The following MSL2 variants were observed in gnomAD, a reference collection of about 807,000 sequenced individuals.
MSL2 encodes E3 ubiquitin-protein ligase MSL2.
MSL2 carries 2 observed loss-of-function variants against 35.8 expected under a neutral mutation model. The observed-to-expected ratio is 0.06, with a 90% CI of 0.02 to 0.18. MSL2 has a LOEUF of 0.18. Ranked by LOEUF, MSL2 falls within the 10% of genes least tolerant of loss-of-function variation. The pLI is 1.00. For missense variants in MSL2, 523 were observed against 706.7 expected, an observed-to-expected ratio of 0.74 and a Z score of 2.95; for synonymous variants, 296 against 255.7, an observed-to-expected ratio of 1.16 and a Z score of -1.50.
intron 1 of MSL2, chr3:136,153,098 GGT>G: frequency 1.0e-6 from 1 of 968,038 alleles, no homozygotes; most frequent in African/African-American, 1.8e-5. Flanking sequence ...TGGATAGCCA[GGT>G]GTGGTGGTGT....
chr3:136,152,551 T>C lies in MSL2; in HGVS notation c.330A>G (p.Ile110Met). The change falls in exon 2 of 2, where the codon ATA (isoleucine) becomes ATG (methionine). Residue 110 changes from isoleucine to methionine, a missense_variant. By Grantham distance (10) the Ile-to-Met change is conservative. Coordinates refer to ENST00000309993, the MANE Select transcript of MSL2 (RefSeq NM_018133.4). ...TATCCCGTGCCAGTGTAGTCTGTGTTATATACTCGCATAGTTTTTTGTAGC... is the reference window on the plus strand; with the variant it reads ...TATCCCGTGCCAGTGTAGTCTGTGTCATATACTCGCATAGTTTTTTGTAGC... ...VNCYKKLCEY[I>M]TQTTLARDII... The C allele has an allele frequency of 6.2e-7, 1 of 1,614,196 alleles. No homozygotes were observed. Among genetic ancestry groups the C allele is most frequent in the Non-Finnish European group, 8.5e-7 (1 of 1,180,036 alleles).
intron 1 of MSL2, among the ~76,000 whole-genome samples, chr3:136,188,845 T>C (rs1347370678): frequency 6.6e-6 from 1 of 151,526 alleles, no homozygotes; most frequent in African/African-American, 2.4e-5. Flanking sequence ...TACAGTACCA[T>C]ACTGCCTGCC....
rs879632465 is a variant in MSL2, at chr3:136,160,712, T to TA, written c.143-7975dup. Among the ~76,000 whole-genome samples the TA allele has an allele frequency of 3.5e-3, 460 of 131,570 alleles. 3 individuals are homozygous for TA. The highest frequency in any genetic ancestry group is 9.5e-3 in the East Asian group (42 of 4,416). 86.3% of individuals were successfully genotyped at this position (131,570 alleles called of 152,430 possible). A position where few individuals can be genotyped will look rare whatever the true frequency, so the allele number is the denominator to read the frequency against. On this transcript the variant is annotated intron_variant, in intron 1 of 1. Transcript: ENST00000309993. ...AGACACAGCAAGCCTCCATCTCAAT[T>TA]AAAAAAAAAAAAATTCAAATCGGTA... is the stretch of plus-strand genomic sequence containing the variant.
rs966344748 is a variant in MSL2 at position 136,195,470 on chromosome 3, C to T, written c.-357G>A. The T allele has an allele frequency of 2.9e-6, 3 of 1,026,974 alleles. No individual in the cohort carries two copies. Among genetic ancestry groups the T allele is most frequent in the Admixed American group, 5.8e-5 (1 of 17,226 alleles). 63.6% of individuals were successfully genotyped at this position (1,026,974 alleles called of 1,614,324 possible). A position where few individuals can be genotyped will look rare whatever the true frequency, so the allele number is the denominator to read the frequency against. On this transcript the variant is annotated 5_prime_UTR_variant, in exon 1 of 2. Coordinates refer to ENST00000309993, the MANE Select transcript of MSL2 (RefSeq NM_018133.4). ...GCTCGGCAGGCGGCCTGCACTCGAG[C>T]TCCATCTCCGGACACGGAGGCGCCT...
intron 1 of MSL2, among the ~76,000 whole-genome samples, chr3:136,168,111 G>A (rs2108073511): frequency 6.6e-6 from 1 of 152,088 alleles, no homozygotes; most frequent in East Asian, 1.9e-4. Flanking sequence ...GGGAGTGGTG[G>A]CTCACACCTG....
chr3:136,188,552 C>T (rs1375293068), intron 1 of MSL2, among the ~76,000 whole-genome samples: 2 of 151,930 alleles, frequency 1.3e-5, no homozygotes, highest in African/African-American at 4.8e-5. Flanking sequence ...GAATTCAAGA[C>T]CAGCCTGGAC....
chr3:136,160,349 GGGAGGGA>G, intron 1 of MSL2, among the ~76,000 whole-genome samples: 1 of 85,584 alleles, frequency 1.2e-5, no homozygotes, highest in Non-Finnish European at 2.5e-5. Context: ...GAGGGAGGGA[GGGAGGGA>G]GGGAGGGAGG....
intron 1 of MSL2, among the ~76,000 whole-genome samples, chr3:136,160,258 A>G (rs1333612428): frequency 7.2e-6 from 1 of 138,266 alleles, no homozygotes; most frequent in Non-Finnish European, 1.6e-5. Flanking sequence ...CTTGGGCGAC[A>G]GAGAAAGACT....
At chr3:136,194,343 A>C in intron 1 of MSL2, 1 of 915,326 alleles carries the variant, frequency 1.1e-6, no homozygotes, top group South Asian at 5.0e-5. Context: ...CCCTCGACAA[A>C]GCCAAAGTAT....
rs1326353859 is a variant in MSL2, at chr3:136,152,362, A to G, written c.519T>C (p.Ser173=). 6.2e-7 allele frequency: 1 copy of G among 1,614,130 alleles called. No individual in the cohort carries two copies. Among genetic ancestry groups the G allele is most frequent in the Non-Finnish European group, 8.5e-7 (1 of 1,180,048 alleles). ...GGGTGCTTTCAGACATTGGAGATAAACTAGCTTGAGGATCAGTTGTGGGTT... is the reference window on the plus strand; with the variant it reads ...GGGTGCTTTCAGACATTGGAGATAAGCTAGCTTGAGGATCAGTTGTGGGTT... ...TSEPTTDPQA[S]LSPMSESTLS... Residue 173 remains serine (S), a synonymous_variant, in exon 2 of 2, where the codon AGT becomes AGC. Transcript: ENST00000309993.
At chr3:136,181,208 T>A (rs938510093) in intron 1 of MSL2, among the ~76,000 whole-genome samples, 7 of 152,046 alleles carry the variant, frequency 4.6e-5, no homozygotes, top group African/African-American at 1.4e-4. Flanking sequence ...ATCATTTACA[T>A]TTTTATGCTC....
intron 1 of MSL2, among the ~76,000 whole-genome samples, chr3:136,186,372 C>T (rs1467427008): frequency 1.3e-5 from 2 of 152,344 alleles, no homozygotes; most frequent in East Asian, 3.8e-4. Context: ...AGCATATCCT[C>T]CTCTATTCTT....
chr3:136,176,508 C>A (rs1473031656), intron 1 of MSL2, among the ~76,000 whole-genome samples: 5 of 141,678 alleles, frequency 3.5e-5, no homozygotes, highest in East Asian at 2.0e-4. Context: ...AGAATGAGAC[C>A]CTCTCTCAAA....
intron 1 of MSL2, among the ~76,000 whole-genome samples, chr3:136,181,151 CAAAAAA>C (rs1276795090): frequency 6.9e-6 from 1 of 145,918 alleles, no homozygotes; most frequent in Admixed American, 6.9e-5. Flanking sequence ...AACTCTGTCT[CAAAAAA>C]AAAGAAAAAA....
chr3:136,164,132 T>A (rs1939778708), intron 1 of MSL2, among the ~76,000 whole-genome samples: 2 of 152,102 alleles, frequency 1.3e-5, no homozygotes, highest in Non-Finnish European at 1.5e-5. Flanking sequence ...AGCTCATGAG[T>A]CTGAAAACTA....
At chr3:136,174,614 GAGGGTC>G (rs1940119374) in intron 1 of MSL2, among the ~76,000 whole-genome samples, 1 of 152,176 alleles carries the variant, frequency 6.6e-6, no homozygotes, top group Non-Finnish European at 1.5e-5. Context: ...ACAGGTTTGT[GAGGGTC>G]AGGAAATCCT....
chr3:136,151,450 T>C lies in MSL2; in HGVS notation c.1431A>G (p.Arg477=), dbSNP rs1325012937. 9 of 1,614,234 alleles carry C rather than the reference T, an allele frequency of 5.6e-6. No homozygotes were observed. Among genetic ancestry groups the C allele is most frequent in the Non-Finnish European group, 7.6e-6 (9 of 1,180,038 alleles). The change falls in exon 2 of 2, where the codon CGA becomes CGG. Residue 477 remains arginine, a synonymous_variant. Transcript: ENST00000309993. This position sits in a 1 kb window ranked among gnomAD's most constrained non-coding sequence, Gnocchi z 5.2. The part of the protein sequence containing the change: ...ATQNPSVLTC[R]GQRCPCYSNR... ...TAGAGTAGCAAGGGCAGCGTTGGCC[T>C]CGGCATGTAAGAACACTTGGATTTT...
At chr3:136,187,749 T>C (rs1271337312) in intron 1 of MSL2, among the ~76,000 whole-genome samples, 2 of 152,184 alleles carry the variant, frequency 1.3e-5, no homozygotes, top group South Asian at 2.1e-4. Context: ...CCTACTTAAA[T>C]ATTGTTTTTC....
chr3:136,158,219 G>T (rs1186912849), intron 1 of MSL2, among the ~76,000 whole-genome samples: 1 of 151,972 alleles, frequency 6.6e-6, no homozygotes, highest in South Asian at 2.1e-4. Context: ...GGCTGAGGCA[G>T]GAGAATCGCT....
Sources: gnomAD v4.1 joint callset for allele counts (sites outside exome capture counted in the v4.1 genomes callset) on GRCh38, gnomAD v4.1.1 for gene constraint, Gnocchi (gnomAD v3.1) non-coding constraint, MANE v1.5 for transcripts, NCBI Gene and HGNC (gene_info 2026-07-23, HGNC 2026-07-21) for gene names.